Variants in ECHDC2 observed in about 807,000 individuals in gnomAD.
ECHDC2 encodes enoyl-CoA hydratase domain-containing protein 2, mitochondrial.
Under a neutral mutation model 40.6 loss-of-function variants are expected in ECHDC2, and 34 were observed. The ratio of observed to expected loss-of-function variants is 0.84; its 90% CI spans 0.64 to 1.11. The LOEUF (loss-of-function observed/expected upper bound fraction) is 1.11, where lower values mean the gene tolerates loss of function less well. ECHDC2 is among the 50% of genes most tolerant of loss of function. The pLI is 0.00. For missense variants in ECHDC2, 392 were observed against 400.7 expected, an observed-to-expected ratio of 0.98 and a Z score of 0.19; for synonymous variants, 162 against 166.6, an observed-to-expected ratio of 0.97 and a Z score of 0.21.
chr1:52,914,581 G>A lies in ECHDC2; in HGVS notation c.122-2791C>T, dbSNP rs886901199. On this transcript the variant is annotated intron_variant, in intron 1 of 9. Transcript: ENST00000371522. The surrounding 1 kb of genome is among the most constrained non-coding windows in gnomAD (Gnocchi z 4.0). The stretch of plus-strand genomic sequence containing the variant: ...TGCCTCCTGTACACCCAGGGCTCCC[G>A]TGTGTGCCCAGGAGCCCAGAGCTCT... Among the ~76,000 whole-genome samples the A allele has an allele frequency of 1.3e-5, 2 of 152,070 alleles. No individual in the cohort carries two copies. The highest frequency in any genetic ancestry group is 6.6e-5 in the Admixed American group (1 of 15,260).
chr1:52,911,860 T>A, intron 1 of ECHDC2, 70 bp from the exon 2 acceptor site: 1 of 1,585,084 alleles, frequency 6.3e-7, no homozygotes, highest in South Asian at 1.1e-5. Context: ...GGCTGGGGAC[T>A]GGAGGCAGGA....
intron 1 of ECHDC2, chr1:52,912,209 GTT>G (rs34670458): frequency 3.3e-3 from 516 of 156,540 alleles, no homozygotes; most frequent in South Asian, 6.1e-3. Flanking sequence ...GAGTTTTGCT[GTT>G]TTTTTTTTTT....
At chr1:52,917,651 T>G (rs1470008704) in intron 1 of ECHDC2, 2 of 456,040 alleles carry the variant, frequency 4.4e-6, no homozygotes, top group African/African-American at 4.0e-5. Context: ...ATTACAGTCA[T>G]GCACAGCATG....
Position 52,897,465 on chromosome 1 carries a change from A to T in ECHDC2, c.773T>A (p.Met258Lys). The change falls in exon 9 of 10, where the codon ATG becomes AAG. Residue 258 changes from methionine to lysine, a missense_variant. Transcript: ENST00000371522. ...GGCATAGCACATCCCTTCAATGGCC[A>T]TCCCAGATGCAATGTCCACCTGCAA... ...RGTEVDIASG[M>K]AIEGMCYAQN... 6.2e-7 allele frequency: 1 copy of T among 1,614,200 alleles called. No homozygotes were observed. The highest frequency in any genetic ancestry group is 8.5e-7 in the Non-Finnish European group (1 of 1,180,036).
intron 8 of ECHDC2, chr1:52,897,837 CAT>C (rs560373769): frequency 2.0e-4 from 78 of 398,658 alleles, no homozygotes; most frequent in African/African-American, 1.0e-3. Flanking sequence ...AGAGAAGTAC[CAT>C]GTGTGTGTGA....
At chr1:52,904,558 T>C (rs1647245131) in intron 7 of ECHDC2, 88 bp downstream of exon 7, 2 of 1,203,300 alleles carry the variant, frequency 1.7e-6, no homozygotes, top group South Asian at 1.6e-5. Context: ...TCTGGGAGAA[T>C]GGATGTGCAG....
rs1311178989 is a variant in ECHDC2, at chr1:52,921,625, G to A, written c.49C>T (p.Arg17Cys). The change falls in exon 1 of 10, where the codon CGC (arginine) becomes TGC (cysteine). Residue 17 changes from arginine (R) to cysteine (C), a missense_variant. Arg to Cys is a radical substitution (Grantham distance 180). Coordinates refer to ENST00000371522, the MANE Select transcript of ECHDC2 (RefSeq NM_001198961.2). ...GCCGCCCCGTCGGAAGCGCAGCCGC[G>A]GGCCCGAAGGGGCCTCCAGGGGCGC... ...LLRPWRPLRA[R>C]GCASDGAAGG... The A allele has an allele frequency of 6.3e-7, 1 of 1,592,048 alleles. No individual in the cohort carries two copies.
intron 1 of ECHDC2, chr1:52,912,111 C>G (rs1385115509): frequency 9.0e-7 from 1 of 1,108,956 alleles, no homozygotes; most frequent in African/African-American, 1.6e-5. Flanking sequence ...GACACACACA[C>G]ACACAAGCAC....
chr1:52,904,826 A>T lies in ECHDC2; in HGVS notation c.522T>A (p.Thr174=). ...TRGLLPGAGG[T]QRLPRCLGVA... ...CCCCCAGACAACGGGGCAGCCTCTG[A>T]GTCCCTCCTACCAGGATGGAGGGAG... Residue 174 remains threonine, a synonymous_variant, in exon 7 of 10, where the codon ACT becomes ACA. Coordinates refer to ENST00000371522, the MANE Select transcript of ECHDC2 (RefSeq NM_001198961.2). 6.2e-7 allele frequency: 1 copy of T among 1,611,958 alleles called. No homozygotes were observed. The highest frequency in any genetic ancestry group is 1.1e-5 in the South Asian group (1 of 90,854).
chr1:52,917,838 G>A (rs1189925343), intron 1 of ECHDC2, among the ~76,000 whole-genome samples: 4 of 152,064 alleles, frequency 2.6e-5, no homozygotes, highest in Admixed American at 6.6e-5. Flanking sequence ...TGCTTTACCA[G>A]TTATACAAAA....
chr1:52,920,681 C>T, intron 1 of ECHDC2: 2 of 639,562 alleles, frequency 3.1e-6, no homozygotes, highest in Non-Finnish European at 5.6e-6. Flanking sequence ...ACATCTTTTG[C>T]CACCTATGGC....
chr1:52,919,584 C>T (rs550876396), intron 1 of ECHDC2, among the ~76,000 whole-genome samples: 1 of 152,326 alleles, frequency 6.6e-6, no homozygotes, highest in South Asian at 2.1e-4. Flanking sequence ...CAACACATGA[C>T]TCTATGAGAA....
chr1:52,908,446 A>T (rs1015920077), intron 3 of ECHDC2, among the ~76,000 whole-genome samples: 1 of 152,180 alleles, frequency 6.6e-6, no homozygotes, highest in African/African-American at 2.4e-5. Context: ...GGCTGCAGTG[A>T]GCTGAGATCG....
chr1:52,902,681 T>C (rs1310116083), intron 7 of ECHDC2, among the ~76,000 whole-genome samples: 1 of 152,170 alleles, frequency 6.6e-6, no homozygotes, highest in Non-Finnish European at 1.5e-5. Flanking sequence ...TAAATTTTTG[T>C]ATTTGAAATA....
At chr1:52,899,271 T>C (rs1221766696) in intron 7 of ECHDC2, 47 bp from the exon 8 acceptor site, 5 of 1,589,014 alleles carry the variant, frequency 3.1e-6, no homozygotes, top group Middle Eastern at 1.7e-4. Flanking sequence ...TCAAGGCTGA[T>C]AGTTGCAGGT....
intron 3 of ECHDC2, among the ~76,000 whole-genome samples, chr1:52,910,237 T>G (rs1649046652): frequency 6.6e-6 from 1 of 151,734 alleles, no homozygotes. Context: ...GTTCTGGGAA[T>G]GGATAGCGGT....
At chr1:52,906,868 G>C (rs933795635) in intron 4 of ECHDC2, 7 of 232,904 alleles carry the variant, frequency 3.0e-5, no homozygotes, top group African/African-American at 1.7e-4. Context: ...AGGTTCAAGT[G>C]ATTCTCTTGC....
intron 3 of ECHDC2, 39 bp downstream of exon 3, chr1:52,911,527 C>A: frequency 6.3e-7 from 1 of 1,599,802 alleles, no homozygotes; most frequent in Non-Finnish European, 8.6e-7. Flanking sequence ...CTGGTGGGCA[C>A]CCTGCAGAGC....
chr1:52,907,913 C>T lies in ECHDC2; in HGVS notation c.319G>A (p.Val107Met). 1 of 1,614,148 alleles carries T rather than the reference C, an allele frequency of 6.2e-7. No homozygotes were observed. Residue 107 changes from valine to methionine, a missense_variant, in exon 4 of 10, where the codon GTG becomes ATG. Coordinates refer to ENST00000371522, the MANE Select transcript of ECHDC2 (RefSeq NM_001198961.2). ...KEREQMSEAE[V>M]GVFVQRLRGL... ...CGGAGTCGCTGGACAAACACCCCCACCTCTGCTTCACTCATCTGTTCCCGC... is the reference window on the plus strand; with the variant it reads ...CGGAGTCGCTGGACAAACACCCCCATCTCTGCTTCACTCATCTGTTCCCGC...
Sources: gnomAD v4.1 joint callset for allele counts (sites outside exome capture counted in the v4.1 genomes callset) on GRCh38, gnomAD v4.1.1 for gene constraint, Gnocchi (gnomAD v3.1) non-coding constraint, MANE v1.5 for transcripts, NCBI Gene and HGNC (gene_info 2026-07-23, HGNC 2026-07-21) for gene names.